Variants in SLC2A5 observed in about 807,000 individuals in gnomAD.
The protein encoded by SLC2A5 is solute carrier family 2, facilitated glucose transporter member 5.
SLC2A5 carries 56 observed loss-of-function variants against 50.3 expected under a neutral mutation model. The observed-to-expected ratio is 1.11, with a 90% CI of 0.90 to 1.39. SLC2A5 has a LOEUF of 1.39. Ranked by LOEUF, SLC2A5 falls within the 40% of genes most tolerant of loss-of-function variation. The pLI, the probability that SLC2A5 is intolerant of heterozygous loss-of-function variation, is 0.00. For missense variants in SLC2A5, 566 were observed against 650.1 expected, an observed-to-expected ratio of 0.87 and a Z score of 1.41; for synonymous variants, 269 against 281.9, an observed-to-expected ratio of 0.95 and a Z score of 0.46.
Position 9,037,542 on chromosome 1 carries a change from G to A in SLC2A5, c.*44C>T. ...AGAAGTCAGAAAAATAAGCCAAAGTGGGAAGCCCCTGGCAGACCAGCTCCA... is the reference window on the plus strand; with the variant it reads ...AGAAGTCAGAAAAATAAGCCAAAGTAGGAAGCCCCTGGCAGACCAGCTCCA... On this transcript the variant is annotated 3_prime_UTR_variant, in exon 12 of 12. Transcript: ENST00000377424. 3 of 1,537,312 alleles carry A rather than the reference G, an allele frequency of 2.0e-6. No individual in the cohort carries two copies. The highest frequency in any genetic ancestry group is 2.7e-6 in the Non-Finnish European group (3 of 1,112,844).
upstream of SLC2A5, among the ~76,000 whole-genome samples, chr1:9,074,367 G>A (rs1476145458): frequency 6.6e-6 from 1 of 152,100 alleles, no homozygotes; most frequent in African/African-American, 2.4e-5. Context: ...TTTTGAGGGC[G>A]TCGATATTTA....
chr1:9,065,505 C>G (rs888836855), intron 1 of SLC2A5, among the ~76,000 whole-genome samples: 1 of 152,184 alleles, frequency 6.6e-6, no homozygotes, highest in African/African-American at 2.4e-5. Context: ...GTACTTCAAG[C>G]TATGTCACTT....
At chr1:9,087,637 A>G (rs1642416675) in intron 1 of SLC2A5, among the ~76,000 whole-genome samples, 1 of 152,064 alleles carries the variant, frequency 6.6e-6, no homozygotes, top group African/African-American at 2.4e-5. Context: ...GGATCCTGAG[A>G]GCCTCTGGAC....
At chr1:9,089,211 C>T (rs972819880), upstream of SLC2A5, among the ~76,000 whole-genome samples, 3 of 152,178 alleles carry the variant, frequency 2.0e-5, no homozygotes, top group African/African-American at 7.2e-5. Flanking sequence ...AGAGACCACA[C>T]AATTACCTGT....
chr1:9,094,179 T>C, the SLC2A5 span, among the ~76,000 whole-genome samples: 1 of 152,306 alleles, frequency 6.6e-6, no homozygotes, highest in East Asian at 1.9e-4. Flanking sequence ...GACTACCAAG[T>C]ATTGCCTGAA....
intron 1 of SLC2A5, among the ~76,000 whole-genome samples, chr1:9,062,134 C>G (rs116155935): frequency 7.2e-5 from 11 of 152,244 alleles, no homozygotes; most frequent in Non-Finnish European, 1.0e-4. Context: ...AACAAATATG[C>G]ATGACCAGCT....
rs754228724 is a variant in SLC2A5 at position 9,037,639 on chromosome 1, A to T, written c.1453T>A (p.Tyr485Asn). 6.2e-7 allele frequency: 1 copy of T among 1,614,168 alleles called. No individual in the cohort carries two copies. Among genetic ancestry groups the T allele is most frequent in the East Asian group, 2.2e-5 (1 of 44,884 alleles). ...TCTTTCAGTTCCTCCTTTTCCGGGT[A>T]CACTTCAGACACCTTATTCATCTTG... ...FTKMNKVSEV[Y>N]PEKEELKELP... The change falls in exon 12 of 12, where the codon TAC becomes AAC. Residue 485 changes from tyrosine (Y) to asparagine (N), a missense_variant. Coordinates refer to ENST00000377424, the MANE Select transcript of SLC2A5 (RefSeq NM_003039.3).
intron 3 of SLC2A5, among the ~76,000 whole-genome samples, chr1:9,053,099 T>TATATATAATATATATTATATATTA (rs1641627548): frequency 4.6e-5 from 5 of 109,664 alleles, no homozygotes; most frequent in African/African-American, 7.3e-5. Flanking sequence ...AATATATATT[T>TATATATAATATATATTATATATTA]ATATATAATA....
chr1:9,086,112 T>C lies in SLC2A5; in HGVS notation c.-187-970A>G, dbSNP rs181308368. On this transcript the variant is annotated intron_variant, in intron 1 of 5. Coordinates refer to the SLC2A5 transcript ENST00000464985. ...GGGACAGGGAGTTCAATCTTCATGA[T>C]CACTTGGATAATGAAGAAAGGCTAA... 5.7e-3 allele frequency among the ~76,000 whole-genome samples: 869 copies of C among 152,254 alleles called. 4 individuals are homozygous for C. The highest frequency in any genetic ancestry group is 0.02 in the African/African-American group (812 of 41,550).
intron 3 of SLC2A5, among the ~76,000 whole-genome samples, chr1:9,049,399 A>G (rs563457186): frequency 6.6e-6 from 1 of 152,360 alleles, no homozygotes; most frequent in African/African-American, 2.4e-5. Context: ...ATAAAGCTAC[A>G]GTAATCAAGA....
chr1:9,091,184 C>T (rs1016247461), upstream of SLC2A5, among the ~76,000 whole-genome samples: 2 of 152,182 alleles, frequency 1.3e-5, no homozygotes, highest in African/African-American at 4.8e-5. Flanking sequence ...GAAATCTTGA[C>T]CAACTACTTA....
chr1:9,081,283 C>CAA (rs1250033751), intron 2 of SLC2A5, among the ~76,000 whole-genome samples: 21,540 of 122,874 alleles, frequency 0.18, 2,440 homozygotes, highest in East Asian at 0.41. Context: ...AAAAAAACCC[C>CAA]AAAAAAAAAA....
chr1:9,060,130 AACAC>A (rs796904630), intron 1 of SLC2A5, among the ~76,000 whole-genome samples: 2 of 92,384 alleles, frequency 2.2e-5, no homozygotes, highest in South Asian at 4.0e-4. Flanking sequence ...ACACACACAC[AACAC>A]ACACACTACA....
chr1:9,064,433 G>A (rs17033202), intron 1 of SLC2A5, among the ~76,000 whole-genome samples: 5 of 152,016 alleles, frequency 3.3e-5, no homozygotes, highest in African/African-American at 1.2e-4. Flanking sequence ...TTGCCAAGAC[G>A]CTGAGCTGTG....
chr1:9,088,539 T>C (rs1175370402), upstream of SLC2A5: 1 of 152,292 alleles, frequency 6.6e-6, no homozygotes, highest in Non-Finnish European at 1.5e-5. Flanking sequence ...TCCCAGCACT[T>C]TGGGAGGTCA....
rs368978944 is a variant in SLC2A5, at chr1:9,059,288, A to G, written c.34-1038T>C. On this transcript the variant is annotated intron_variant, in intron 1 of 11. Transcript: ENST00000377424. ...CTCCCAAATAGCTGGGACTACAGGC[A>G]CCCGCCACCACGCCTGGCTAATTTT... is the stretch of plus-strand genomic sequence containing the variant. Among the ~76,000 whole-genome samples the G allele has an allele frequency of 8.6e-4, 130 of 150,970 alleles. 3 individuals are homozygous for G. In the East Asian group the frequency reaches 0.019, roughly 22 times the overall value.
At chr1:9,057,361 A>G (rs1380095979) in intron 3 of SLC2A5, 87 bp downstream of exon 3, 12 of 810,886 alleles carry the variant, frequency 1.5e-5, no homozygotes, top group Middle Eastern at 2.5e-4. Flanking sequence ...TCTTAGTCTC[A>G]TGGTAAGGAT....
At chr1:9,089,054 G>A (rs556299368), upstream of SLC2A5, among the ~76,000 whole-genome samples, 1 of 152,174 alleles carries the variant, frequency 6.6e-6, no homozygotes, top group Admixed American at 6.5e-5. Flanking sequence ...CACTCCTGAC[G>A]AAAAAGAGTA....
intron 4 of SLC2A5, among the ~76,000 whole-genome samples, chr1:9,043,965 A>G (rs1000682024): frequency 1.3e-5 from 2 of 149,176 alleles, no homozygotes; most frequent in Admixed American, 6.7e-5. Context: ...CAGGTGATCC[A>G]CCCGCCTCGG....
Sources: allele counts gnomAD v4.1 joint callset (sites outside exome capture counted in the v4.1 genomes callset), GRCh38; gene constraint gnomAD v4.1.1; transcripts MANE v1.5; gene names NCBI Gene and HGNC (gene_info 2026-07-23, HGNC 2026-07-21).